Variants in NIPAL4 observed in about 807,000 individuals in gnomAD.
The protein encoded by NIPAL4 is magnesium transporter NIPA4.
NIPAL4 carries 21 observed loss-of-function variants against 31.6 expected under a neutral mutation model. The observed-to-expected ratio is 0.67, with a 90% CI of 0.47 to 0.96. NIPAL4 has a LOEUF of 0.96. Ranked by LOEUF, NIPAL4 falls within the 40% of genes least tolerant of loss-of-function variation. NIPAL4 has a pLI of 0.00. For synonymous variants in NIPAL4, 175 were observed against 211.1 expected (o/e 0.83, Z 1.48); for missense variants, 438 against 508.0 (o/e 0.86, Z 1.32).
chr5:157,462,741 C>T (rs2113658689), intron 1 of NIPAL4, among the ~76,000 whole-genome samples: 1 of 152,314 alleles, frequency 6.6e-6, no homozygotes, highest in East Asian at 1.9e-4. Context: ...TCATTAGAAA[C>T]CCTCCTGGAA....
intron 2 of NIPAL4, among the ~76,000 whole-genome samples, chr5:157,466,013 A>G (rs945525828): frequency 6.6e-6 from 1 of 151,316 alleles, no homozygotes; most frequent in African/African-American, 2.4e-5. Context: ...GAGGGAAGGA[A>G]AAAGGTAAGG....
rs1486512912 is a variant in NIPAL4 at position 157,473,686 on chromosome 5, G to C, written c.*726G>C. 6.6e-6 allele frequency: 1 copy of C among 152,212 alleles called. No individual in the cohort carries two copies. Among genetic ancestry groups the C allele is most frequent in the Non-Finnish European group, 1.5e-5 (1 of 68,060 alleles). The allele number at this position is 152,212 out of a possible 1,614,324, so 9.4% of individuals were successfully genotyped here. A position where few individuals can be genotyped will look rare whatever the true frequency, so the allele number is the denominator to read the frequency against. Reference sequence around the variant, plus strand: ...CTTCCCCCTCTACTTACATCCTAAGGAGTCGGTCACTGAGACATAAAGGCA... The same window carrying C: ...CTTCCCCCTCTACTTACATCCTAAGCAGTCGGTCACTGAGACATAAAGGCA... On this transcript the variant is annotated 3_prime_UTR_variant, in exon 6 of 6. Coordinates refer to ENST00000311946, the MANE Select transcript of NIPAL4 (RefSeq NM_001099287.2).
chr5:157,467,211 ATCTGAGGCCCAGAT>A (rs1754301508), intron 3 of NIPAL4, 106 bp downstream of exon 3: 2 of 804,598 alleles, frequency 2.5e-6, no homozygotes, highest in South Asian at 2.9e-5. Flanking sequence ...GCAAGTGTGA[ATCTGAGGCCCAGAT>A]TCCCAGGGGA....
intron 1 of NIPAL4, among the ~76,000 whole-genome samples, chr5:157,460,838 C>A (rs1252290547): frequency 1.3e-5 from 2 of 152,262 alleles, no homozygotes; most frequent in Non-Finnish European, 2.9e-5. Flanking sequence ...TGCGTTCTGA[C>A]CATAAAGCAG....
At chr5:157,462,898 G>T (rs1394368695) in intron 1 of NIPAL4, among the ~76,000 whole-genome samples, 196 bp from the exon 2 acceptor site, 1 of 152,204 alleles carries the variant, frequency 6.6e-6, no homozygotes, top group African/African-American at 2.4e-5. Context: ...GTACAAATTT[G>T]TTGTGGTCAT....
At position 157,472,849 on chromosome 5, in the gene NIPAL4, G is replaced by A. The variant is rs371736153; in HGVS notation, c.1104G>A (p.Pro368=). Reference sequence around the variant, plus strand: ...AAAACCCACCCCCTTCTCCCGCCCCGGAACCCACTGTTATTAGACTGGAAG... The same window carrying A: ...AAAACCCACCCCCTTCTCCCGCCCCAGAACCCACTGTTATTAGACTGGAAG... ...MHKNPPPSPA[P]EPTVIRLEDK... Residue 368 remains proline, a synonymous_variant, in exon 6 of 6, where the codon CCG becomes CCA. Transcript: ENST00000311946. 47 of 1,553,918 alleles carry A rather than the reference G, an allele frequency of 3.0e-5. 1 individual carries two copies. The East Asian group carries it at 4.3e-4, about 14-fold the overall frequency.
chr5:157,464,884 C>T (rs1754211170), intron 2 of NIPAL4, among the ~76,000 whole-genome samples: 1 of 152,150 alleles, frequency 6.6e-6, no homozygotes, highest in African/African-American at 2.4e-5. Flanking sequence ...CCTCAGTCTT[C>T]TCATCTATAA....
chr5:157,472,385 G>A lies in NIPAL4; in HGVS notation c.640G>A (p.Val214Ile), dbSNP rs1754463854. 3.1e-6 allele frequency: 5 copies of A among 1,612,044 alleles called. No homozygotes were observed. The South Asian group carries it at 5.5e-5, about 18-fold the overall frequency. The change falls in exon 6 of 6, where the codon GTC becomes ATC. Residue 214 changes from valine to isoleucine, a missense_variant. By Grantham distance (29) the Val-to-Ile change is conservative. Coordinates refer to ENST00000311946, the MANE Select transcript of NIPAL4 (RefSeq NM_001099287.2). ...LLVSCLILIF[V>I]IAPRYGQRNI... ...GGTGTCATGCCTCATCCTCATCTTT[G>A]TCATTGCCCCACGTTACGGGCAAAG... is the stretch of plus-strand genomic sequence containing the variant.
At chr5:157,462,185 T>G (rs1266120132) in intron 1 of NIPAL4, among the ~76,000 whole-genome samples, 1 of 152,136 alleles carries the variant, frequency 6.6e-6, no homozygotes, top group African/African-American at 2.4e-5. Context: ...CAGATAAGAC[T>G]CTTGGGGAAC....
At chr5:157,465,989 T>A (rs768487875) in intron 2 of NIPAL4, among the ~76,000 whole-genome samples, 5 of 148,606 alleles carry the variant, frequency 3.4e-5, no homozygotes, top group Non-Finnish European at 5.9e-5. Context: ...AGGGAGACCC[T>A]GCAGTGGAGG....
intron 3 of NIPAL4, 61 bp from the exon 4 acceptor site, chr5:157,468,661 G>A (rs944762420): frequency 4.2e-5 from 40 of 941,554 alleles, no homozygotes; most frequent in Non-Finnish European, 5.1e-5. Flanking sequence ...GGAATTATTC[G>A]TCTGGAATGG....
intron 1 of NIPAL4, among the ~76,000 whole-genome samples, chr5:157,462,766 G>A (rs978145846): frequency 2.6e-5 from 4 of 152,178 alleles, no homozygotes; most frequent in Non-Finnish European, 5.9e-5. Flanking sequence ...CCAGAGCAGA[G>A]GACCATGTGA....
chr5:157,464,131 G>T (rs763560136), intron 2 of NIPAL4, among the ~76,000 whole-genome samples: 14 of 152,162 alleles, frequency 9.2e-5, no homozygotes, highest in Non-Finnish European at 1.6e-4. Flanking sequence ...TAGAAGAGAT[G>T]ATCTCTAAAC....
In NIPAL4 at chr5:157,463,103, T is replaced by C. The variant is rs766625954; in HGVS notation, c.47T>C (p.Leu16Pro). The change falls in exon 2 of 6, where the codon CTC (leucine) becomes CCC (proline). Residue 16 changes from leucine to proline, a missense_variant. Transcript: ENST00000311946. The part of the protein sequence containing the change: ...SNTSCENGSL[L>P]HLYCSSQEVL... ...TGGTCTTCCCATCCAGGTTCCCTGC[T>C]CCACCTCTACTGCTCCTCCCAAGAA... 2 of 1,613,976 alleles carry C rather than the reference T, an allele frequency of 1.2e-6. No homozygotes were observed. The highest frequency in any genetic ancestry group is 1.1e-5 in the South Asian group (1 of 91,088).
intron 2 of NIPAL4, among the ~76,000 whole-genome samples, chr5:157,463,735 C>T (rs771174150): frequency 1.3e-5 from 2 of 152,148 alleles, no homozygotes; most frequent in Non-Finnish European, 2.9e-5. Flanking sequence ...CAATGTCAGA[C>T]GCTGGTGTGC....
At chr5:157,467,384 C>T in intron 3 of NIPAL4, 2 of 385,992 alleles carry the variant, frequency 5.2e-6, no homozygotes, top group South Asian at 4.5e-5. Flanking sequence ...TCGATAATAT[C>T]ACTGCCTGTT....
rs771944164 is a variant in NIPAL4 at position 157,472,332 on chromosome 5, G to T, written c.587G>T (p.Gly196Val). 17 of 1,598,226 alleles carry T rather than the reference G, an allele frequency of 1.1e-5. No individual in the cohort carries two copies. Among genetic ancestry groups the T allele is most frequent in the Middle Eastern group, 1.7e-4 (1 of 6,048 alleles). ...MEMASKMKDTGFIVFAVLLLV... is the reference protein window; with the variant it reads ...MEMASKMKDTVFIVFAVLLLV... ...GATCCTTCTCTCTCTCCTCCCAAAGGGTTCATCGTGTTTGCTGTGCTTCTG... is the reference window on the plus strand; with the variant it reads ...GATCCTTCTCTCTCTCCTCCCAAAGTGTTCATCGTGTTTGCTGTGCTTCTG... The change falls in exon 6 of 6, where the codon GGG becomes GTG. Residue 196 changes from glycine (G) to valine (V), a missense_variant and splice_region_variant. Transcript: ENST00000311946.
At chr5:157,468,841 T>G in intron 4 of NIPAL4, 29 bp downstream of exon 4, 1 of 1,450,544 alleles carries the variant, frequency 6.9e-7, no homozygotes, top group Non-Finnish European at 9.4e-7. Context: ...GCTCTCTCTT[T>G]TTCTATTCCG....
At chr5:157,465,302 A>G (rs10066571) in intron 2 of NIPAL4, among the ~76,000 whole-genome samples, 72,227 of 151,924 alleles carry the variant, frequency 0.48, 17,431 homozygotes, top group East Asian at 0.73. Flanking sequence ...CCTGGAATCC[A>G]TTTTTTTCTC....
Sources: gnomAD v4.1 joint callset for allele counts (sites outside exome capture counted in the v4.1 genomes callset) on GRCh38, gnomAD v4.1.1 for gene constraint, MANE v1.5 for transcripts, NCBI Gene and HGNC (gene_info 2026-07-23, HGNC 2026-07-21) for gene names.